PLEKHA7: variants seen among roughly 807,000 people sequenced by gnomAD.
PLEKHA7 encodes the protein pleckstrin homology domain-containing family A member 7.
Under a neutral mutation model 170.0 loss-of-function variants are expected in PLEKHA7, and 104 were observed. The ratio of observed to expected loss-of-function variants is 0.61; its 90% confidence interval spans 0.52 to 0.72. The LOEUF (loss-of-function observed/expected upper bound fraction) is 0.72. Ranked by LOEUF, PLEKHA7 falls within the 30% of genes least tolerant of loss-of-function variation. The probability of loss-of-function intolerance (pLI) is 0.00; values close to 1 mark genes in which losing one functional copy is unlikely to be tolerated. For synonymous variants in PLEKHA7, 648 were observed against 660.8 expected, an observed-to-expected ratio of 0.98 and a Z score of 0.30; for missense variants, 1,615 against 1,671.7, an observed-to-expected ratio of 0.97 and a Z score of 0.59.
At chr11:17,013,090 T>C (rs6486336) in intron 3 of PLEKHA7, 96,415 of 151,980 alleles carry the variant, frequency 0.63, 31,211 homozygotes, top group East Asian at 0.96. Context: ...AGTGCCTACT[T>C]GCTGTCCGGC....
chr11:16,805,807 A>C (rs1025408913), intron 13 of PLEKHA7, among the ~76,000 whole-genome samples: 1 of 135,726 alleles, frequency 7.4e-6, no homozygotes, highest in Non-Finnish European at 1.6e-5. Context: ...AAAAAAAAAA[A>C]CAAAAACAAA....
chr11:16,877,831 T>C (rs983780848), intron 3 of PLEKHA7, among the ~76,000 whole-genome samples: 8 of 152,306 alleles, frequency 5.3e-5, no homozygotes, highest in Admixed American at 5.2e-4. Flanking sequence ...CATTCTTCCA[T>C]TTGCAAATAG....
In PLEKHA7 at chr11:16,975,066, T is replaced by C. The variant is rs918971476; in HGVS notation, c.221+38923A>G. 104 of 693,332 alleles carry C rather than the reference T, an allele frequency of 1.5e-4. 32 individuals carry two copies. Among genetic ancestry groups the C allele is most frequent in the South Asian group, 2.7e-4 (7 of 25,642 alleles). 42.9% of individuals were successfully genotyped at this position (693,332 alleles called of 1,614,324 possible). Reference sequence around the variant, plus strand: ...AGAAGCCAGGTTTTTATATATACTATGTATATATGTACAGTTCTATGAGAT... The same window carrying C: ...AGAAGCCAGGTTTTTATATATACTACGTATATATGTACAGTTCTATGAGAT... On this transcript the variant is annotated intron_variant, in intron 3 of 26. Coordinates refer to ENST00000531066, the MANE Select transcript of PLEKHA7 (RefSeq NM_001329630.2).
In PLEKHA7 at chr11:16,991,551, A is replaced by G. The variant is rs557478424; in HGVS notation, c.221+22438T>C. The stretch of plus-strand genomic sequence containing the variant: ...CTGGAGAAAGTGAGGGAAGATCTGG[A>G]GGAAAACAGTCCAGACAGAGGGGAC... On this transcript the variant is annotated intron_variant, in intron 3 of 26. Coordinates refer to ENST00000531066, the MANE Select transcript of PLEKHA7 (RefSeq NM_001329630.2). 5.9e-5 allele frequency among the ~76,000 whole-genome samples: 9 copies of G among 152,246 alleles called. No homozygotes were observed. In the East Asian group the frequency reaches 1.5e-3, roughly 26 times the overall value.
intron 3 of PLEKHA7, among the ~76,000 whole-genome samples, chr11:16,881,060 G>A (rs768002400): frequency 1.3e-5 from 2 of 152,202 alleles, no homozygotes; most frequent in Non-Finnish European, 2.9e-5. Context: ...CATCAGGGAG[G>A]TGTAGTTAAT....
chr11:16,932,776 G>A (rs571799297), intron 3 of PLEKHA7, among the ~76,000 whole-genome samples: 1 of 152,336 alleles, frequency 6.6e-6, no homozygotes, highest in African/African-American at 2.4e-5. Flanking sequence ...TATGTATCAG[G>A]TAAGACCTCG....
intron 3 of PLEKHA7, among the ~76,000 whole-genome samples, chr11:16,944,112 C>G (rs759107481): frequency 5.3e-5 from 8 of 149,560 alleles, no homozygotes; most frequent in Non-Finnish European, 1.2e-4. Context: ...CCAGCACTTT[C>G]GGAGGCCAAG....
intron 3 of PLEKHA7, among the ~76,000 whole-genome samples, chr11:16,966,411 G>C (rs1175668463): frequency 6.6e-6 from 1 of 152,038 alleles, no homozygotes; most frequent in Non-Finnish European, 1.5e-5. Context: ...CACCTTGAGG[G>C]ATGAAGATAT....
intron 3 of PLEKHA7, among the ~76,000 whole-genome samples, chr11:16,998,781 T>C (rs1201481528): frequency 2.0e-5 from 3 of 152,148 alleles, no homozygotes; most frequent in African/African-American, 7.2e-5. Context: ...ACAGTTATTA[T>C]AGATATTTAG....
chr11:16,779,980 A>AGGGGGGGGGGGGGGGGG (rs11359003), intron 26 of PLEKHA7, among the ~76,000 whole-genome samples: 1 of 136,230 alleles, frequency 7.3e-6, no homozygotes, highest in Non-Finnish European at 1.6e-5. Context: ...TAAAACGGGG[A>AGGGGGGGGGGGGGGGGG]GGGGGGGGGG....
At chr11:16,841,296 T>C (rs1374839041) in intron 9 of PLEKHA7, among the ~76,000 whole-genome samples, 1 of 152,164 alleles carries the variant, frequency 6.6e-6, no homozygotes, top group Non-Finnish European at 1.5e-5. Flanking sequence ...CCCCAAGGTC[T>C]TCCCTTCCAC....
Position 16,790,685 on chromosome 11 carries a change from G to A in PLEKHA7, c.3052+113C>T, listed in dbSNP as rs1240201901. 4.7e-6 allele frequency: 5 copies of A among 1,061,424 alleles called. No individual in the cohort carries two copies. The African/African-American group carries it at 6.4e-5, about 13-fold the overall frequency. 65.8% of individuals were successfully genotyped at this position (1,061,424 alleles called of 1,614,324 possible). A position where few individuals can be genotyped will look rare whatever the true frequency, so the allele number is the denominator to read the frequency against. On this transcript the variant is annotated intron_variant, in intron 21 of 26. Transcript: ENST00000531066. Reference sequence around the variant, plus strand: ...GGCATCCCAGACCCCCCTGACAGCTGCTGCTCACTCCTAGGCCTAGAGCTG... The same window carrying A: ...GGCATCCCAGACCCCCCTGACAGCTACTGCTCACTCCTAGGCCTAGAGCTG...
chr11:16,959,228 T>C (rs6486328), intron 3 of PLEKHA7, among the ~76,000 whole-genome samples: 2 of 151,916 alleles, frequency 1.3e-5, no homozygotes, highest in African/African-American at 4.8e-5. Context: ...TGCTCCCCTC[T>C]CTCCCCCTCA....
chr11:17,003,256 G>T (rs1346298259), intron 3 of PLEKHA7, among the ~76,000 whole-genome samples: 1 of 152,160 alleles, frequency 6.6e-6, no homozygotes, highest in Non-Finnish European at 1.5e-5. Context: ...ATCCCAAAGT[G>T]CTGGGATTAC....
chr11:16,832,090 T>C (rs547435484), intron 9 of PLEKHA7, among the ~76,000 whole-genome samples: 199 of 152,326 alleles, frequency 1.3e-3, no homozygotes, highest in Non-Finnish European at 8.8e-4. Flanking sequence ...ATTTAGACTT[T>C]GCTGAATTGC....
At chr11:16,946,223 C>T (rs555838404) in intron 3 of PLEKHA7, among the ~76,000 whole-genome samples, 38 of 152,224 alleles carry the variant, frequency 2.5e-4, no homozygotes, top group Non-Finnish European at 5.0e-4. Flanking sequence ...GGAGAGATGG[C>T]GTCCATGCCA....
At chr11:16,894,280 G>A (rs138080394) in intron 3 of PLEKHA7, among the ~76,000 whole-genome samples, 289 of 152,212 alleles carry the variant, frequency 1.9e-3, no homozygotes, top group African/African-American at 6.0e-3. Flanking sequence ...GGATGATTTC[G>A]GAAATTCTCC....
At chr11:16,886,823 A>G (rs895608866) in intron 3 of PLEKHA7, among the ~76,000 whole-genome samples, 1 of 152,136 alleles carries the variant, frequency 6.6e-6, no homozygotes, top group African/African-American at 2.4e-5. Context: ...CATTCATTTA[A>G]CAAATATTTG....
chr11:16,780,642 G>T (rs1848952811), intron 26 of PLEKHA7, among the ~76,000 whole-genome samples: 1 of 152,228 alleles, frequency 6.6e-6, no homozygotes, highest in Non-Finnish European at 1.5e-5. Flanking sequence ...GGGCATCAGG[G>T]TGCCCTACTG....
Sources: allele counts gnomAD v4.1 joint callset (sites outside exome capture counted in the v4.1 genomes callset), GRCh38; gene constraint gnomAD v4.1.1; transcripts MANE v1.5; gene names NCBI Gene and HGNC (gene_info 2026-07-23, HGNC 2026-07-21).